MEF2A: variants seen among roughly 807,000 people sequenced by gnomAD.
The protein encoded by MEF2A is myocyte enhancer factor 2A.
A neutral mutation model predicts 55.8 loss-of-function variants in MEF2A; 28 were observed. The ratio of observed to expected loss-of-function variants is 0.50; its 90% CI spans 0.37 to 0.69. MEF2A has a LOEUF of 0.69. Among genes scored for constraint, MEF2A ranks in the 30% least tolerant of loss-of-function variants. MEF2A has a pLI of 0.00. For synonymous variants in MEF2A, 239 were observed against 227.1 expected (o/e 1.05, Z -0.47); for missense variants, 528 against 626.2 (o/e 0.84, Z 1.67).
intron 8 of MEF2A, among the ~76,000 whole-genome samples, chr15:99,699,948 TTA>T (rs1217238460): frequency 3.5e-4 from 47 of 132,636 alleles, no homozygotes; most frequent in Middle Eastern, 4.5e-3. Context: ...CAGTAAGAGT[TTA>T]TATGTGTGTG....
intron 2 of MEF2A, among the ~76,000 whole-genome samples, chr15:99,601,453 G>T (rs1972914072): frequency 6.7e-6 from 1 of 149,850 alleles, no homozygotes; most frequent in African/African-American, 2.5e-5. Context: ...TAACATCCTT[G>T]CCTTGCTTCT....
chr15:99,675,486 G>A (rs954828583), intron 7 of MEF2A, 28 bp downstream of exon 7: 1 of 1,592,684 alleles, frequency 6.3e-7, no homozygotes, highest in Non-Finnish European at 8.6e-7. Flanking sequence ...CTTCTGTTTT[G>A]TAGGTATCTA....
At chr15:99,604,492 C>T (rs1347281315) in intron 2 of MEF2A, among the ~76,000 whole-genome samples, 1 of 151,908 alleles carries the variant, frequency 6.6e-6, no homozygotes, top group Non-Finnish European at 1.5e-5. Flanking sequence ...CCATTATTCT[C>T]TTCATGTTCT....
At chr15:99,588,110 T>C (rs562997845) in intron 1 of MEF2A, among the ~76,000 whole-genome samples, 31 of 151,318 alleles carry the variant, frequency 2.0e-4, no homozygotes, top group Admixed American at 5.2e-4. Flanking sequence ...TTTAGTTTGC[T>C]GAGGTGTTTT....
intron 4 of MEF2A, among the ~76,000 whole-genome samples, chr15:99,650,812 C>T (rs893811766): frequency 6.6e-6 from 1 of 152,222 alleles, no homozygotes; most frequent in African/African-American, 2.4e-5. Flanking sequence ...GCAGCAGCAG[C>T]AGCCCCAGAG....
chr15:99,666,958 T>C (rs989713090), intron 4 of MEF2A, among the ~76,000 whole-genome samples: 4 of 152,214 alleles, frequency 2.6e-5, no homozygotes, highest in African/African-American at 9.6e-5. Context: ...TGAAGATGAG[T>C]ATTGAAAGGC....
At chr15:99,576,534 T>A (rs1050986667) in intron 1 of MEF2A, among the ~76,000 whole-genome samples, 3 of 152,194 alleles carry the variant, frequency 2.0e-5, no homozygotes, top group African/African-American at 7.2e-5. Flanking sequence ...GTATTTGTTA[T>A]AATATTTTAG....
At chr15:99,627,107 A>G (rs1438816152) in intron 2 of MEF2A, among the ~76,000 whole-genome samples, 1 of 152,088 alleles carries the variant, frequency 6.6e-6, no homozygotes, top group Non-Finnish European at 1.5e-5. Flanking sequence ...TTGCAACAAA[A>G]TGGAGGCAAG....
At chr15:99,610,717 A>AAAT (rs1430645891) in intron 2 of MEF2A, among the ~76,000 whole-genome samples, 1 of 151,874 alleles carries the variant, frequency 6.6e-6, no homozygotes, top group Non-Finnish European at 1.5e-5. Flanking sequence ...CAATGGAGGG[A>AAAT]AATAGCCTTT....
intron 7 of MEF2A, among the ~76,000 whole-genome samples, chr15:99,685,146 T>A (rs1427179611): frequency 6.6e-6 from 1 of 152,222 alleles, no homozygotes; most frequent in Non-Finnish European, 1.5e-5. Flanking sequence ...AGATTTGTTC[T>A]TTTTGCTTAG....
intron 7 of MEF2A, among the ~76,000 whole-genome samples, chr15:99,675,664 C>T (rs907618820): frequency 6.6e-6 from 1 of 152,208 alleles, no homozygotes; most frequent in East Asian, 1.9e-4. Context: ...TATCTTACAA[C>T]AGCATGAAAT....
At chr15:99,661,692 A>G (rs970670250) in intron 4 of MEF2A, among the ~76,000 whole-genome samples, 5 of 152,090 alleles carry the variant, frequency 3.3e-5, no homozygotes, top group Non-Finnish European at 7.4e-5. Context: ...AGGAATGCAT[A>G]TTGATACAAT....
chr15:99,679,489 T>C (rs779991712), intron 7 of MEF2A, among the ~76,000 whole-genome samples: 1 of 152,226 alleles, frequency 6.6e-6, no homozygotes, highest in Non-Finnish European at 1.5e-5. Flanking sequence ...TATATAAAGT[T>C]TGAAAAGCAG....
intron 8 of MEF2A, among the ~76,000 whole-genome samples, chr15:99,698,550 T>C (rs900402873): frequency 6.6e-6 from 1 of 152,102 alleles, no homozygotes. Context: ...CCCAGCACTT[T>C]GGGAGGCTGA....
At chr15:99,594,511 A>ACATG (rs1025608181) in intron 1 of MEF2A, among the ~76,000 whole-genome samples, 8 of 136,952 alleles carry the variant, frequency 5.8e-5, no homozygotes, top group African/African-American at 2.1e-4. Flanking sequence ...ATGATTGATT[A>ACATG]CATACATCAT....
chr15:99,661,437 A>T (rs1273089582), intron 4 of MEF2A, among the ~76,000 whole-genome samples: 2 of 150,904 alleles, frequency 1.3e-5, no homozygotes, highest in African/African-American at 2.4e-5. Context: ...TTAATGCTAC[A>T]TAATGGGAAG....
chr15:99,656,504 A>C lies in MEF2A; in HGVS notation c.258+10740A>C, dbSNP rs547214990. Among the ~76,000 whole-genome samples, 5 of 152,224 alleles carry C rather than the reference A, an allele frequency of 3.3e-5. No homozygotes were observed. The South Asian group carries it at 1.0e-3, about 32-fold the overall frequency. ...CTATGGTGGGTCCTGTAAATACACAAAATTACTTGAATAGAAATGCTGGCA... is the reference window on the plus strand; with the variant it reads ...CTATGGTGGGTCCTGTAAATACACACAATTACTTGAATAGAAATGCTGGCA... On this transcript the variant is annotated intron_variant, in intron 4 of 11. Coordinates refer to ENST00000557942, the MANE Select transcript of MEF2A (RefSeq NM_001319206.4).
At chr15:99,681,041 G>GGGTTTATACT (rs2053155471) in intron 7 of MEF2A, among the ~76,000 whole-genome samples, 1 of 152,072 alleles carries the variant, frequency 6.6e-6, no homozygotes, top group Non-Finnish European at 1.5e-5. Context: ...GTTTAATACT[G>GGGTTTATACT]GGTTTATACT....
intron 1 of MEF2A, among the ~76,000 whole-genome samples, chr15:99,586,652 A>G (rs1205338996): frequency 6.6e-6 from 1 of 152,080 alleles, no homozygotes; most frequent in Non-Finnish European, 1.5e-5. Flanking sequence ...GAAGGTTTCA[A>G]TTTTGATGAA....
Sources: allele counts gnomAD v4.1 joint callset (sites outside exome capture counted in the v4.1 genomes callset), GRCh38; gene constraint gnomAD v4.1.1; transcripts MANE v1.5; gene names NCBI Gene and HGNC (gene_info 2026-07-23, HGNC 2026-07-21).